The following CHMP1A variants were observed in gnomAD, a reference collection of about 807,000 sequenced individuals.
CHMP1A encodes the protein charged multivesicular body protein 1A.
A neutral mutation model predicts 27.0 loss-of-function variants in CHMP1A; 17 were observed. That is an observed-to-expected ratio of 0.63 (90% confidence interval 0.43 to 0.95). The LOEUF (loss-of-function observed/expected upper bound fraction) is 0.95. CHMP1A is among the 40% of genes least tolerant of loss of function. The pLI is 0.00. For synonymous variants in CHMP1A, 131 were observed against 107.5 expected, an observed-to-expected ratio of 1.22 and a Z score of -1.35; for missense variants, 275 against 264.0, an observed-to-expected ratio of 1.04 and a Z score of -0.29.
rs1338605568 is a variant in CHMP1A, at chr16:89,651,664, T to C, written c.28-18A>G. ...GCCGTGAACTGAGCGGAAGCCGGAA[T>C]GTCCTGGGTCAGACATGCGGAGCCC... is the stretch of plus-strand genomic sequence containing the variant. On this transcript the variant is annotated intron_variant, in intron 2 of 6. Coordinates refer to ENST00000397901, the MANE Select transcript of CHMP1A (RefSeq NM_002768.5). 1 of 1,613,112 alleles carries C rather than the reference T, an allele frequency of 6.2e-7. No individual in the cohort carries two copies. Among genetic ancestry groups the C allele is most frequent in the East Asian group, 2.2e-5 (1 of 44,862 alleles).
At position 89,655,950 on chromosome 16, in the gene CHMP1A, G is replaced by A. The variant is rs915845081; in HGVS notation, c.7+1632C>T. 1.7e-4 allele frequency among the ~76,000 whole-genome samples: 26 copies of A among 152,194 alleles called. No homozygotes were observed. The Middle Eastern group carries it at 0.014, about 80-fold the overall frequency. On this transcript the variant is annotated intron_variant, in intron 1 of 6. Transcript: ENST00000397901. The stretch of plus-strand genomic sequence containing the variant: ...CTCCCAAAGTGCTGGAATTACAGCC[G>A]TGAGCCACCGCGCCCGGCCTCCCAG...
chr16:89,645,824 C>G lies in CHMP1A; in HGVS notation c.*242G>C. On this transcript the variant is annotated 3_prime_UTR_variant, in exon 7 of 7. Transcript: ENST00000397901. ...CCCTCTTGGCCTCCCCGCTGTGGGC[C>G]CAGAGTCACAGAAATCACCCCCAGA... 2 of 1,334,202 alleles carry G rather than the reference C, an allele frequency of 1.5e-6. No homozygotes were observed. The highest frequency in any genetic ancestry group is 1.5e-5 in the African/African-American group (1 of 67,744). 82.6% of individuals were successfully genotyped at this position (1,334,202 alleles called of 1,614,324 possible).
chr16:89,649,533 G>C (rs2059807840), intron 3 of CHMP1A, 36 bp from the exon 4 acceptor site: 3 of 1,611,980 alleles, frequency 1.9e-6, no homozygotes, highest in East Asian at 2.2e-5. Flanking sequence ...GGAAGAGCTT[G>C]GTGGTGTGTG....
At chr16:89,647,170 C>A in intron 5 of CHMP1A, 33 bp downstream of exon 5, 1 of 1,603,828 alleles carries the variant, frequency 6.2e-7, no homozygotes. Context: ...TCCTTGTCCC[C>A]AGGCCACAGC....
chr16:89,647,014 C>CTG, intron 5 of CHMP1A, 189 bp downstream of exon 5: 1 of 1,512,624 alleles, frequency 6.6e-7, no homozygotes, highest in East Asian at 2.5e-5. Context: ...CAGGAGGCCC[C>CTG]CGCCGCCCTG....
Position 89,651,611 on chromosome 16 carries a change from C to T in CHMP1A, c.63G>A (p.Lys21=), listed in dbSNP as rs770111037. 14 of 1,613,652 alleles carry T rather than the reference C, an allele frequency of 8.7e-6. No individual in the cohort carries two copies. The African/African-American group carries it at 1.9e-4, about 22-fold the overall frequency. The part of the protein sequence containing the change: ...TAKQLEKLAK[K]AEKDSKAEQA... Reference sequence around the variant, plus strand: ...GCTCCGCCTTGGAGTCCTTCTCCGCCTTCTTGGCCAGCTTCTCCAGCTGCT... The same window carrying T: ...GCTCCGCCTTGGAGTCCTTCTCCGCTTTCTTGGCCAGCTTCTCCAGCTGCT... The change falls in exon 3 of 7, where the codon AAG becomes AAA. Residue 21 remains lysine (K), a synonymous_variant. Transcript: ENST00000397901.
At chr16:89,647,172 G>T in intron 5 of CHMP1A, 31 bp downstream of exon 5, 1 of 1,604,408 alleles carries the variant, frequency 6.2e-7, no homozygotes, top group South Asian at 1.1e-5. Flanking sequence ...CTTGTCCCCA[G>T]GCCACAGCCC....
Position 89,647,327 on chromosome 16 carries a change from G to A in CHMP1A, c.257C>T (p.Thr86Ile). 6.2e-7 allele frequency: 1 copy of A among 1,608,812 alleles called. No homozygotes were observed. The highest frequency in any genetic ancestry group is 8.5e-7 in the Non-Finnish European group (1 of 1,176,066). The change falls in exon 5 of 7, where the codon ACC becomes ATC. Residue 86 changes from threonine to isoleucine, a missense_variant. Transcript: ENST00000397901. ...TTTGGTCACCTGGGCCATATTCTTG[G>A]TCACCTGAGACAGGAGAGAGCGCAG... ...VQTAVTMKGV[T>I]KNMAQVTKAL...
In CHMP1A at chr16:89,648,370, C is replaced by T. The variant is rs112517417; in HGVS notation, c.252+981G>A. Among the ~76,000 whole-genome samples, 195 of 35,914 alleles carry T rather than the reference C, an allele frequency of 5.4e-3. 26 individuals are homozygous for T. The highest frequency in any genetic ancestry group is 8.8e-3 in the South Asian group (6 of 684). 23.6% of individuals were successfully genotyped at this position (35,914 alleles called of 152,430 possible). A position where few individuals can be genotyped will look rare whatever the true frequency, so the allele number is the denominator to read the frequency against. On this transcript the variant is annotated intron_variant, in intron 4 of 6. Coordinates refer to ENST00000397901, the MANE Select transcript of CHMP1A (RefSeq NM_002768.5). ...AAAGGCCGCCGACGTGGAGACCCAG[C>T]GCGGGGTCGGTGGAGAAAAGGCCGC...
At position 89,657,687 on chromosome 16, in the gene CHMP1A, G is replaced by A. The variant is rs577978613; in HGVS notation, c.-99C>T. The stretch of plus-strand genomic sequence containing the variant: ...CGATCGAACCGACCAAGCTGCACCC[G>A]GCGGGGACTTCCGGGGTCGCCGCCC... On this transcript the variant is annotated 5_prime_UTR_variant, in exon 1 of 7. Transcript: ENST00000397901. 383 of 1,579,858 alleles carry A rather than the reference G, an allele frequency of 2.4e-4. No homozygotes were observed. The highest frequency in any genetic ancestry group is 3.6e-4 in the South Asian group (31 of 87,158).
chr16:89,649,866 G>A (rs1427769316), intron 3 of CHMP1A, among the ~76,000 whole-genome samples: 4 of 152,182 alleles, frequency 2.6e-5, no homozygotes, highest in South Asian at 2.1e-4. Flanking sequence ...GTGAGCCACC[G>A]CGCCCGGCCC....
Position 89,645,605 on chromosome 16 carries a change from T to G in CHMP1A, c.*461A>C, listed in dbSNP as rs561154837. Reference sequence around the variant, plus strand: ...GGCACCTGACATCCCCCAGCACACATAGACCTGTGGTGCCTCCTTGGGCTA... The same window carrying G: ...GGCACCTGACATCCCCCAGCACACAGAGACCTGTGGTGCCTCCTTGGGCTA... On this transcript the variant is annotated 3_prime_UTR_variant, in exon 7 of 7. Transcript: ENST00000397901. 5.1e-5 allele frequency: 14 copies of G among 273,776 alleles called. No homozygotes were observed. Among genetic ancestry groups the G allele is most frequent in the Non-Finnish European group, 9.3e-5 (13 of 140,208 alleles). 17.0% of individuals were successfully genotyped at this position (273,776 alleles called of 1,614,324 possible).
rs912368774 is a variant in CHMP1A at position 89,647,317 on chromosome 16, C to G, written c.267G>C (p.Met89Ile). Residue 89 changes from methionine to isoleucine, a missense_variant, in exon 5 of 7, where the codon ATG becomes ATC. Coordinates refer to ENST00000397901, the MANE Select transcript of CHMP1A (RefSeq NM_002768.5). The stretch of plus-strand genomic sequence containing the variant: ...TGTCCAGGGCTTTGGTCACCTGGGC[C>G]ATATTCTTGGTCACCTGAGACAGGA... ...AVTMKGVTKN[M>I]AQVTKALDKA... is the part of the protein sequence containing the mutation. 1 of 1,609,454 alleles carries G rather than the reference C, an allele frequency of 6.2e-7. No homozygotes were observed. The highest frequency in any genetic ancestry group is 1.7e-5 in the Admixed American group (1 of 59,864).
chr16:89,648,607 A>G (rs1291407806), intron 4 of CHMP1A, among the ~76,000 whole-genome samples: 1 of 152,208 alleles, frequency 6.6e-6, no homozygotes, highest in Non-Finnish European at 1.5e-5. Context: ...CTGGCCAGGT[A>G]CAGTGACAGT....
At chr16:89,652,799 G>C (rs558060527) in intron 2 of CHMP1A, among the ~76,000 whole-genome samples, 1 of 152,290 alleles carries the variant, frequency 6.6e-6, no homozygotes, top group East Asian at 1.9e-4. Context: ...CAGTAGCTCA[G>C]AGCCAGCGAC....
rs145101867 is a variant in CHMP1A, at chr16:89,655,798, G to C, written c.7+1784C>G. Among the ~76,000 whole-genome samples the C allele has an allele frequency of 1.2e-3, 179 of 152,170 alleles. 1 individual carries two copies. Among genetic ancestry groups the C allele is most frequent in the African/African-American group, 4.1e-3 (172 of 41,528 alleles). On this transcript the variant is annotated intron_variant, in intron 1 of 6. Coordinates refer to ENST00000397901, the MANE Select transcript of CHMP1A (RefSeq NM_002768.5). ...ACGCCACCAGGCCCAGCTAATTTTT[G>C]TATTTTTAGAAGAGACGGGGTTTCA... is the stretch of plus-strand genomic sequence containing the variant.
At chr16:89,650,835 G>A (rs2059818433) in intron 3 of CHMP1A, among the ~76,000 whole-genome samples, 2 of 151,368 alleles carry the variant, frequency 1.3e-5, no homozygotes, top group Non-Finnish European at 2.9e-5. Flanking sequence ...GTGGCAGACA[G>A]CTAGCTAGCA....
chr16:89,654,441 C>CTTTTTTTTTTT (rs2059848382), intron 1 of CHMP1A, among the ~76,000 whole-genome samples: 1 of 151,970 alleles, frequency 6.6e-6, no homozygotes, highest in Non-Finnish European at 1.5e-5. Context: ...TGACAGTTTA[C>CTTTTTTTTTTT]TTTTTACAGA....
chr16:89,645,608 ACCTG>A lies in CHMP1A; in HGVS notation c.*454_*457del. The A allele has an allele frequency of 1.4e-5, 4 of 282,334 alleles. No homozygotes were observed. The highest frequency in any genetic ancestry group is 3.0e-5 in the South Asian group (1 of 33,224). The allele number at this position is 282,334 out of a possible 1,614,324, so 17.5% of individuals were successfully genotyped here. On this transcript the variant is annotated 3_prime_UTR_variant, in exon 7 of 7. Transcript: ENST00000397901. ...ACCTGACATCCCCCAGCACACATAG[ACCTG>A]TGGTGCCTCCTTGGGCTATGTCTGT...
Sources: gnomAD v4.1 joint callset for allele counts (sites outside exome capture counted in the v4.1 genomes callset) on GRCh38, gnomAD v4.1.1 for gene constraint, MANE v1.5 for transcripts, NCBI Gene and HGNC (gene_info 2026-07-23, HGNC 2026-07-21) for gene names.